AOAH: variants seen among roughly 807,000 people sequenced by gnomAD.
AOAH encodes the protein acyloxyacyl hydrolase (neutrophil).
A neutral mutation model predicts 92.2 loss-of-function variants in AOAH; 64 were observed. That is an observed-to-expected ratio of 0.69 (90% confidence interval 0.57 to 0.86). The LOEUF (loss-of-function observed/expected upper bound fraction) is 0.86. AOAH is among the 40% of genes least tolerant of loss of function. AOAH has a pLI of 0.00. For synonymous variants in AOAH, 263 were observed against 254.5 expected (o/e 1.03, Z -0.32); for missense variants, 656 against 694.6 (o/e 0.94, Z 0.62).
In AOAH at chr7:36,594,669, A is replaced by C; in HGVS notation, c.847-239T>G. ...GCTCAGCTCTTGTGAAACATGCAGA[A>C]CATTTGGCATCTCAAACACTTGGGA... On this transcript the variant is annotated intron_variant, in intron 11 of 20. Coordinates refer to ENST00000617537, the MANE Select transcript of AOAH (RefSeq NM_001637.4). 3 of 552,776 alleles carry C rather than the reference A, an allele frequency of 5.4e-6. No homozygotes were observed. The South Asian group carries it at 6.1e-5, about 11-fold the overall frequency. The allele number at this position is 552,776 out of a possible 1,614,324, so 34.2% of individuals were successfully genotyped here.
At chr7:36,654,284 T>A (rs1430683670) in intron 4 of AOAH, among the ~76,000 whole-genome samples, 1 of 152,222 alleles carries the variant, frequency 6.6e-6, no homozygotes, top group Admixed American at 6.5e-5. Flanking sequence ...TTCCTTCCTG[T>A]CCCTCTTCTC....
At chr7:36,661,573 CA>C (rs1795215417) in intron 3 of AOAH, among the ~76,000 whole-genome samples, 1 of 152,180 alleles carries the variant, frequency 6.6e-6, no homozygotes, top group Non-Finnish European at 1.5e-5. Context: ...TCTCCCCACC[CA>C]ACTATTATAA....
chr7:36,619,992 T>A (rs150147588), intron 9 of AOAH, among the ~76,000 whole-genome samples: 1 of 151,996 alleles, frequency 6.6e-6, no homozygotes, highest in African/African-American at 2.4e-5. Flanking sequence ...CTGGGAGCAA[T>A]AGAGTATTCT....
intron 1 of AOAH, among the ~76,000 whole-genome samples, chr7:36,687,245 T>C (rs906559626): frequency 1.3e-5 from 2 of 152,172 alleles, no homozygotes; most frequent in Admixed American, 1.3e-4. Context: ...AGGTAATATG[T>C]TTCCCATAGG....
rs765444093 is a variant in AOAH, at chr7:36,548,609, C to A, written c.1133+3G>T. ...TTGAAAATACTTTTTCTCAATAACT[C>A]ACCCACTGCAGACATCATTTCCAAT... On this transcript the variant is annotated splice_donor_region_variant and intron_variant, in intron 15 of 20. Coordinates refer to ENST00000617537, the MANE Select transcript of AOAH (RefSeq NM_001637.4). The A allele has an allele frequency of 1.2e-6, 2 of 1,612,798 alleles. No homozygotes were observed. Among genetic ancestry groups the A allele is most frequent in the Admixed American group, 3.3e-5 (2 of 60,012 alleles).
intron 5 of AOAH, among the ~76,000 whole-genome samples, chr7:36,637,096 A>G (rs889037922): frequency 6.6e-6 from 1 of 152,206 alleles, no homozygotes; most frequent in African/African-American, 2.4e-5. Context: ...ATTTGCAACC[A>G]GGGCCTAAGT....
At chr7:36,699,305 C>G (rs577508330) in intron 1 of AOAH, among the ~76,000 whole-genome samples, 1 of 152,078 alleles carries the variant, frequency 6.6e-6, no homozygotes, top group Non-Finnish European at 1.5e-5. Flanking sequence ...GATTTTCTTT[C>G]TTTCCAATAT....
intron 2 of AOAH, among the ~76,000 whole-genome samples, chr7:36,675,424 C>T (rs77075052): frequency 0.016 from 2,386 of 152,218 alleles, 58 homozygotes; most frequent in African/African-American, 0.054. Context: ...TAGAAAGACA[C>T]ATAATGCCCA....
intron 11 of AOAH, among the ~76,000 whole-genome samples, chr7:36,596,882 A>C (rs1299500770): frequency 6.6e-6 from 1 of 152,252 alleles, no homozygotes; most frequent in Non-Finnish European, 1.5e-5. Flanking sequence ...CAAAGGGCTA[A>C]GACATGAACC....
At chr7:36,521,140 G>T (rs1784087074) in intron 20 of AOAH, among the ~76,000 whole-genome samples, 2 of 152,096 alleles carry the variant, frequency 1.3e-5, no homozygotes, top group Non-Finnish European at 2.9e-5. Flanking sequence ...CTAGGTCTTG[G>T]TGGCCAGCAA....
chr7:36,718,632 C>T (rs4440536), intron 1 of AOAH, among the ~76,000 whole-genome samples: 93,879 of 152,066 alleles, frequency 0.62, 29,271 homozygotes, highest in East Asian at 0.82. Context: ...TAAGAAGAAA[C>T]AGGGTTGATA....
chr7:36,622,546 A>G (rs1021276175), intron 7 of AOAH, among the ~76,000 whole-genome samples: 1 of 151,800 alleles, frequency 6.6e-6, no homozygotes, highest in Non-Finnish European at 1.5e-5. Flanking sequence ...TGACATTTTA[A>G]CTGTTCTGAA....
chr7:36,662,447 G>A (rs1217154138), intron 3 of AOAH, among the ~76,000 whole-genome samples: 1 of 152,196 alleles, frequency 6.6e-6, no homozygotes, highest in Non-Finnish European at 1.5e-5. Flanking sequence ...GCTGCTTGTT[G>A]CAGATAAAGT....
At chr7:36,546,055 A>G (rs779439113) in intron 15 of AOAH, among the ~76,000 whole-genome samples, 6 of 152,236 alleles carry the variant, frequency 3.9e-5, no homozygotes, top group Non-Finnish European at 7.3e-5. Flanking sequence ...CAGGGTTACA[A>G]TGAGAAAGCC....
At chr7:36,624,784 C>T (rs1439274116) in intron 6 of AOAH, among the ~76,000 whole-genome samples, 1 of 152,140 alleles carries the variant, frequency 6.6e-6, no homozygotes, top group Non-Finnish European at 1.5e-5. Context: ...GCCAACATGG[C>T]CTCTTGTTTT....
intron 3 of AOAH, among the ~76,000 whole-genome samples, chr7:36,670,358 A>G (rs1249788648): frequency 6.6e-6 from 1 of 152,218 alleles, no homozygotes; most frequent in Non-Finnish European, 1.5e-5. Context: ...ACTAATACAC[A>G]TAGGAAATTA....
intron 5 of AOAH, among the ~76,000 whole-genome samples, chr7:36,634,362 T>A (rs992729358): frequency 6.6e-6 from 1 of 152,180 alleles, no homozygotes; most frequent in South Asian, 2.1e-4. Flanking sequence ...AGACATTATA[T>A]AGAAAAACAC....
At chr7:36,619,806 C>T (rs1792151468) in intron 9 of AOAH, among the ~76,000 whole-genome samples, 1 of 152,162 alleles carries the variant, frequency 6.6e-6, no homozygotes, top group Admixed American at 6.5e-5. Context: ...ATAAATTAAG[C>T]AACTCTTTAG....
At chr7:36,522,332 G>C (rs1456734157) in intron 19 of AOAH, among the ~76,000 whole-genome samples, 1 of 152,246 alleles carries the variant, frequency 6.6e-6, no homozygotes, top group African/African-American at 2.4e-5. Flanking sequence ...GAATACGTGA[G>C]AGCATTGGAT....
Sources: gnomAD v4.1 joint callset for allele counts (sites outside exome capture counted in the v4.1 genomes callset) on GRCh38, gnomAD v4.1.1 for gene constraint, MANE v1.5 for transcripts, NCBI Gene and HGNC (gene_info 2026-07-23, HGNC 2026-07-21) for gene names.